The following LRRC7 variants were observed in gnomAD, a reference collection of about 807,000 sequenced individuals.
LRRC7 encodes the protein leucine-rich repeat-containing protein 7.
In LRRC7, 23 loss-of-function variants were observed where a neutral mutation model predicts 175.7. That is an observed-to-expected ratio of 0.13 (90% CI 0.09 to 0.19). The LOEUF is 0.19. LRRC7 is among the 10% of genes least tolerant of loss of function. The probability of loss-of-function intolerance (pLI) is 1.00; values close to 1 mark genes in which losing one functional copy is unlikely to be tolerated. For missense variants in LRRC7, 1,354 were observed against 1,904.7 expected, an observed-to-expected ratio of 0.71 and a Z score of 5.38; for synonymous variants, 685 against 680.9, an observed-to-expected ratio of 1.01 and a Z score of -0.09.
chr1:69,748,562 G>A (rs556686276), intron 2 of LRRC7, among the ~76,000 whole-genome samples: 34 of 152,196 alleles, frequency 2.2e-4, no homozygotes, highest in African/African-American at 8.2e-4. Flanking sequence ...TAAAGTATTT[G>A]ATTAAAACAC....
intron 7 of LRRC7, among the ~76,000 whole-genome samples, chr1:69,887,649 C>T (rs1424880375): frequency 6.6e-5 from 10 of 152,034 alleles, no homozygotes; most frequent in African/African-American, 9.7e-5. Context: ...AGCTTTGTTC[C>T]GTTGCTGGTG....
At chr1:69,923,072 G>C (rs1055026154) in intron 7 of LRRC7, among the ~76,000 whole-genome samples, 2 of 151,940 alleles carry the variant, frequency 1.3e-5, no homozygotes, top group African/African-American at 4.8e-5. Flanking sequence ...GCGGTGTTTG[G>C]TTTTTTGTCC....
chr1:69,765,278 A>C (rs1671501350), intron 3 of LRRC7, among the ~76,000 whole-genome samples: 1 of 152,134 alleles, frequency 6.6e-6, no homozygotes, highest in Non-Finnish European at 1.5e-5. Flanking sequence ...CCTATCCAAA[A>C]TTATTACCAA....
chr1:69,764,041 A>G (rs1671333777), intron 3 of LRRC7, among the ~76,000 whole-genome samples: 2 of 151,672 alleles, frequency 1.3e-5, no homozygotes, highest in Non-Finnish European at 2.9e-5. Flanking sequence ...AAGATATATC[A>G]AGAGTGTGTC....
At chr1:69,832,251 G>A (rs914258212) in intron 5 of LRRC7, among the ~76,000 whole-genome samples, 1 of 152,072 alleles carries the variant, frequency 6.6e-6, no homozygotes, top group South Asian at 2.1e-4. Context: ...GGGAGCAGAG[G>A]TATTTATATT....
chr1:70,010,691 A>T (rs1049536925), intron 11 of LRRC7, among the ~76,000 whole-genome samples: 4 of 152,240 alleles, frequency 2.6e-5, no homozygotes, highest in Non-Finnish European at 4.4e-5. Context: ...ATAGCAATAT[A>T]ATAGGAATAG....
At chr1:70,048,472 G>T (rs1397856323) in intron 22 of LRRC7, among the ~76,000 whole-genome samples, 1 of 152,010 alleles carries the variant, frequency 6.6e-6, no homozygotes, top group Non-Finnish European at 1.5e-5. Context: ...TCTGCCTGGT[G>T]CCCACATACA....
chr1:69,609,507 AAT>A (rs1464995796), intron 1 of LRRC7, among the ~76,000 whole-genome samples: 2 of 152,046 alleles, frequency 1.3e-5, no homozygotes, highest in Admixed American at 1.3e-4. Flanking sequence ...ATCAGAAATG[AAT>A]ACTGATGACA....
chr1:70,041,126 GTAA>G (rs1659859216), intron 21 of LRRC7, among the ~76,000 whole-genome samples: 1 of 152,122 alleles, frequency 6.6e-6, no homozygotes. Flanking sequence ...GGGGATCTGG[GTAA>G]TAATATACTA....
intron 4 of LRRC7, among the ~76,000 whole-genome samples, chr1:69,800,676 A>G (rs138418991): frequency 5.2e-4 from 79 of 151,992 alleles, no homozygotes; most frequent in African/African-American, 1.7e-3. Context: ...GATCACATCA[A>G]TAGTAAACAG....
At chr1:69,703,316 AAAAT>A (rs1210822151) in intron 2 of LRRC7, among the ~76,000 whole-genome samples, 12 of 151,430 alleles carry the variant, frequency 7.9e-5, no homozygotes, top group Admixed American at 3.3e-4. Flanking sequence ...TTTCAAGATA[AAAAT>A]AAATAAATCT....
intron 2 of LRRC7, among the ~76,000 whole-genome samples, chr1:69,751,846 A>G (rs1669879059): frequency 6.6e-6 from 1 of 152,140 alleles, no homozygotes; most frequent in East Asian, 1.9e-4. Flanking sequence ...TCTTGATAAC[A>G]GGCAGTATGC....
intron 2 of LRRC7, among the ~76,000 whole-genome samples, chr1:69,688,974 G>A (rs1661520672): frequency 6.6e-6 from 1 of 152,166 alleles, no homozygotes; most frequent in Non-Finnish European, 1.5e-5. Context: ...GTGAATTGGA[G>A]CAAAGGATAG....
chr1:69,847,712 C>G (rs1293338123), intron 7 of LRRC7, among the ~76,000 whole-genome samples: 1 of 152,090 alleles, frequency 6.6e-6, no homozygotes, highest in Non-Finnish European at 1.5e-5. Flanking sequence ...TCCTTCCCCT[C>G]CCACATTGTT....
At chr1:70,086,134 C>T (rs1469149235) in intron 24 of LRRC7, among the ~76,000 whole-genome samples, 9 of 151,458 alleles carry the variant, frequency 5.9e-5, no homozygotes, top group Non-Finnish European at 1.3e-4. Flanking sequence ...TATTTATTTA[C>T]TTATTTATTT....
At chr1:70,010,891 A>G (rs1195646309) in intron 11 of LRRC7, among the ~76,000 whole-genome samples, 1 of 152,098 alleles carries the variant, frequency 6.6e-6, no homozygotes, top group East Asian at 1.9e-4. Context: ...CCGGCTAAGT[A>G]TGGACTGGTA....
chr1:69,934,907 T>C (rs1165347191), intron 8 of LRRC7, among the ~76,000 whole-genome samples: 3 of 152,128 alleles, frequency 2.0e-5, no homozygotes, highest in African/African-American at 7.2e-5. Context: ...AGGGCTGTTC[T>C]ATAAAGGAGA....
chr1:69,694,895 T>G (rs1662373728), intron 2 of LRRC7, among the ~76,000 whole-genome samples: 1 of 152,268 alleles, frequency 6.6e-6, no homozygotes, highest in African/African-American at 2.4e-5. Flanking sequence ...CAAAATAAAC[T>G]TATTTTCTTT....
chr1:69,920,483 T>C (rs985424609), intron 7 of LRRC7, among the ~76,000 whole-genome samples: 8 of 152,162 alleles, frequency 5.3e-5, no homozygotes, highest in African/African-American at 1.7e-4. Context: ...ATTTATCCTA[T>C]ACAAAGATAA....
Sources: gnomAD v4.1 joint callset for allele counts (sites outside exome capture counted in the v4.1 genomes callset) on GRCh38, gnomAD v4.1.1 for gene constraint, MANE v1.5 for transcripts, NCBI Gene and HGNC (gene_info 2026-07-23, HGNC 2026-07-21) for gene names.